SLC17A1: variants seen among roughly 807,000 people sequenced by gnomAD.
SLC17A1 encodes the protein solute carrier family 17 member 1.
In SLC17A1, 51 loss-of-function variants were observed where a neutral mutation model predicts 53.5. The observed-to-expected ratio is 0.95, with a 90% CI of 0.76 to 1.20. The LOEUF (loss-of-function observed/expected upper bound fraction) is 1.20, where lower values mean the gene tolerates loss of function less well. Ranked by LOEUF, SLC17A1 falls within the 50% of genes most tolerant of loss-of-function variation. SLC17A1 has a pLI of 0.00. For missense variants in SLC17A1, 538 were observed against 568.2 expected (o/e 0.95, Z 0.54); for synonymous variants, 179 against 198.8 (o/e 0.90, Z 0.84).
At chr6:25,813,293 T>A in intron 6 of SLC17A1, 80 bp from the exon 7 acceptor site, 1 of 1,163,596 alleles carries the variant, frequency 8.6e-7, no homozygotes, top group African/African-American at 1.5e-5. Flanking sequence ...TTTCAATGTA[T>A]CAGTCTGAGA....
At chr6:25,794,343 T>C (rs1227422816) in intron 12 of SLC17A1, among the ~76,000 whole-genome samples, 1 of 152,198 alleles carries the variant, frequency 6.6e-6, no homozygotes, top group Non-Finnish European at 1.5e-5. Flanking sequence ...ATAAAAATCA[T>C]GTTATCATAA....
chr6:25,805,180 A>G (rs547074980), intron 10 of SLC17A1, among the ~76,000 whole-genome samples: 84 of 152,228 alleles, frequency 5.5e-4, no homozygotes, highest in African/African-American at 1.9e-3. Flanking sequence ...AGTATCTTAT[A>G]TTTAAAAATT....
At chr6:25,776,914 T>C in the SLC17A1 span, 9 of 1,613,752 alleles carry the variant, frequency 5.6e-6, no homozygotes, top group Non-Finnish European at 7.6e-6. Flanking sequence ...ATCAGCAGCT[T>C]CTGTGAATCA....
downstream of SLC17A1, chr6:25,778,103 A>G (rs563661022): frequency 9.9e-4 from 945 of 957,578 alleles, no homozygotes; most frequent in Non-Finnish European, 1.4e-3. Context: ...GTATCCTAGA[A>G]GATGCTTTTA....
chr6:25,787,398 G>T (rs1233355502), intron 12 of SLC17A1, among the ~76,000 whole-genome samples: 1 of 151,710 alleles, frequency 6.6e-6, no homozygotes, highest in Non-Finnish European at 1.5e-5. Context: ...TGCAGGGCCA[G>T]ATTAAGAACA....
At chr6:25,747,604 C>G in the SLC17A1 span, among the ~76,000 whole-genome samples, 1 of 152,200 alleles carries the variant, frequency 6.6e-6, no homozygotes, top group Non-Finnish European at 1.5e-5. Flanking sequence ...AAATCCTAAC[C>G]ACCAACGGGA....
At chr6:25,766,177 C>T in the SLC17A1 span, among the ~76,000 whole-genome samples, 2 of 133,262 alleles carry the variant, frequency 1.5e-5, no homozygotes, top group African/African-American at 5.2e-5. Context: ...AAGAATTATA[C>T]ATTTTTATGT....
chr6:25,729,541 C>A, the SLC17A1 span, among the ~76,000 whole-genome samples: 1 of 152,222 alleles, frequency 6.6e-6, no homozygotes, highest in Non-Finnish European at 1.5e-5. Flanking sequence ...TGAGCTAGTT[C>A]AGGTGCTGCC....
chr6:25,814,471 G>A (rs1311872823), intron 6 of SLC17A1, among the ~76,000 whole-genome samples: 1 of 152,226 alleles, frequency 6.6e-6, no homozygotes, highest in Non-Finnish European at 1.5e-5. Flanking sequence ...ATGTTAGTGA[G>A]TGGTAGTTTA....
chr6:25,750,856 T>C, the SLC17A1 span, among the ~76,000 whole-genome samples: 38 of 152,140 alleles, frequency 2.5e-4, no homozygotes, highest in Non-Finnish European at 3.4e-4. Context: ...CTGCCCAGTC[T>C]GCAAGGACTA....
At chr6:25,826,012 GAC>G in intron 3 of SLC17A1, among the ~76,000 whole-genome samples, 1 of 151,942 alleles carries the variant, frequency 6.6e-6, no homozygotes, top group East Asian at 1.9e-4. Flanking sequence ...TCTCTTTACT[GAC>G]ATTACCTATC....
At chr6:25,764,605 G>T in the SLC17A1 span, among the ~76,000 whole-genome samples, 45,409 of 152,150 alleles carry the variant, frequency 0.3, 7,756 homozygotes, top group East Asian at 0.74. Flanking sequence ...CCTTGAGGCA[G>T]GGTGCAGTGT....
At chr6:25,800,096 A>G (rs914581706) in intron 11 of SLC17A1, among the ~76,000 whole-genome samples, 1 of 152,182 alleles carries the variant, frequency 6.6e-6, no homozygotes, top group Non-Finnish European at 1.5e-5. Context: ...GTGTTCCTAC[A>G]AATAAAGTTT....
chr6:25,741,880 C>T, the SLC17A1 span, among the ~76,000 whole-genome samples: 1 of 151,542 alleles, frequency 6.6e-6, no homozygotes, highest in Non-Finnish European at 1.5e-5. Context: ...GAGACTCTGT[C>T]TAAAAAAAAA....
the SLC17A1 span, chr6:25,769,312 T>A: frequency 1.1e-6 from 1 of 943,554 alleles, no homozygotes; most frequent in African/African-American, 1.6e-5. Flanking sequence ...GTGCCAGGAA[T>A]GGCACAAGTA....
chr6:25,829,876 C>CAT (rs985805249), intron 2 of SLC17A1, among the ~76,000 whole-genome samples: 9 of 151,710 alleles, frequency 5.9e-5, no homozygotes, highest in South Asian at 2.1e-4. Context: ...TAGAAAAAAA[C>CAT]ATATATATAT....
At chr6:25,822,313 C>T (rs1418632649) in intron 3 of SLC17A1, among the ~76,000 whole-genome samples, 1 of 152,138 alleles carries the variant, frequency 6.6e-6, no homozygotes, top group East Asian at 1.9e-4. Flanking sequence ...GCTCTCCAAG[C>T]AAAGCCTCTT....
the SLC17A1 span, among the ~76,000 whole-genome samples, chr6:25,749,932 G>A: frequency 6.6e-6 from 1 of 152,234 alleles, no homozygotes; most frequent in African/African-American, 2.4e-5. Flanking sequence ...TGAAGATGAT[G>A]TGGATCACAG....
At chr6:25,780,069 G>A (rs1366354586), downstream of SLC17A1, 1 of 152,130 alleles carries the variant, frequency 6.6e-6, no homozygotes, top group African/African-American at 2.4e-5. Context: ...GTCTCCCAAA[G>A]ATGTATGTAA....
Sources: gnomAD v4.1 joint callset for allele counts (sites outside exome capture counted in the v4.1 genomes callset) on GRCh38, gnomAD v4.1.1 for gene constraint, MANE v1.5 for transcripts, NCBI Gene and HGNC (gene_info 2026-07-23, HGNC 2026-07-21) for gene names.